Variants in PPFIBP1 observed in about 807,000 individuals in gnomAD.
PPFIBP1 encodes the protein liprin-beta-1.
Under a neutral mutation model 137.8 loss-of-function variants are expected in PPFIBP1, and 112 were observed. That is an observed-to-expected ratio of 0.81 (90% confidence interval 0.70 to 0.95). The LOEUF is 0.95. PPFIBP1 is among the 40% of genes least tolerant of loss of function. The pLI is 0.00. For missense variants in PPFIBP1, 1,083 were observed against 1,196.6 expected (o/e 0.91, Z 1.40); for synonymous variants, 378 against 417.3 (o/e 0.91, Z 1.15).
rs144438920 is a variant in PPFIBP1, at chr12:27,536,653, C to T, written c.-124+12288C>T. Among the ~76,000 whole-genome samples, 242 of 152,330 alleles carry T rather than the reference C, an allele frequency of 1.6e-3. 1 individual carries two copies. Among genetic ancestry groups the T allele is most frequent in the African/African-American group, 4.5e-3 (187 of 41,578 alleles). ...ACAGTGGGAATCTCATTTCAACATGCGATTTGGAGGGGCCAAACATCCAAA... is the reference window on the plus strand; with the variant it reads ...ACAGTGGGAATCTCATTTCAACATGTGATTTGGAGGGGCCAAACATCCAAA... On this transcript the variant is annotated intron_variant, in intron 1 of 29. Transcript: ENST00000228425.
At chr12:27,634,855 G>T (rs2057540428) in intron 3 of PPFIBP1, 55 bp from the exon 4 acceptor site, 1 of 1,496,178 alleles carries the variant, frequency 6.7e-7, no homozygotes, top group Admixed American at 1.7e-5. Flanking sequence ...TTCGGCTTTG[G>T]TATTTTTATC....
chr12:27,650,406 T>C (rs570006279), intron 7 of PPFIBP1, among the ~76,000 whole-genome samples: 2 of 152,384 alleles, frequency 1.3e-5, no homozygotes, highest in East Asian at 3.8e-4. Context: ...AGAAATACTT[T>C]TGACTTTACG....
At chr12:27,558,544 G>A (rs1422046232) in intron 1 of PPFIBP1, among the ~76,000 whole-genome samples, 1 of 99,766 alleles carries the variant, frequency 1.0e-5, no homozygotes, top group South Asian at 2.8e-4. Flanking sequence ...TGGGCATTGG[G>A]GAAAATAGTT....
At chr12:27,617,935 G>A (rs565960539) in intron 2 of PPFIBP1, among the ~76,000 whole-genome samples, 3 of 152,158 alleles carry the variant, frequency 2.0e-5, no homozygotes, top group Non-Finnish European at 4.4e-5. Flanking sequence ...TGTGGTAAAA[G>A]CAAGTTTTCA....
At chr12:27,594,961 T>C (rs2053018358) in intron 2 of PPFIBP1, among the ~76,000 whole-genome samples, 1 of 152,272 alleles carries the variant, frequency 6.6e-6, no homozygotes, top group African/African-American at 2.4e-5. Context: ...TTCTTATTAA[T>C]GACCATTAGG....
At chr12:27,661,044 C>T in intron 11 of PPFIBP1, 99 bp downstream of exon 11, 1 of 1,498,680 alleles carries the variant, frequency 6.7e-7, no homozygotes, top group Admixed American at 2.1e-5. Flanking sequence ...AAAGAACATG[C>T]CCAGAACACT....
chr12:27,664,450 G>T lies in PPFIBP1; in HGVS notation c.991+4G>T. The T allele has an allele frequency of 6.3e-7, 1 of 1,599,806 alleles. No homozygotes were observed. The highest frequency in any genetic ancestry group is 8.5e-7 in the Non-Finnish European group (1 of 1,172,064). On this transcript the variant is annotated splice_donor_region_variant and intron_variant, in intron 12 of 29. Transcript: ENST00000228425. Reference sequence around the variant, plus strand: ...GTACTGGCCCAAGGTAAAAAAGGTAGAGTGTAGCTCTAAAAGTTTTTCTAC... The same window carrying T: ...GTACTGGCCCAAGGTAAAAAAGGTATAGTGTAGCTCTAAAAGTTTTTCTAC...
intron 21 of PPFIBP1, 110 bp from the exon 22 acceptor site, chr12:27,681,436 T>C: frequency 1.6e-6 from 2 of 1,257,422 alleles, no homozygotes; most frequent in Non-Finnish European, 2.2e-6. Context: ...GTCAAATGTG[T>C]ATCACCAGGG....
chr12:27,589,241 C>A (rs2052168426), intron 2 of PPFIBP1, among the ~76,000 whole-genome samples: 1 of 152,154 alleles, frequency 6.6e-6, no homozygotes, highest in Admixed American at 6.5e-5. Context: ...TTAGCACTCT[C>A]TAGGAAATCG....
intron 1 of PPFIBP1, among the ~76,000 whole-genome samples, chr12:27,541,285 T>A (rs535569929): frequency 3.3e-5 from 5 of 151,074 alleles, no homozygotes; most frequent in Non-Finnish European, 7.4e-5. Context: ...TAGAGAAAGT[T>A]GGTGAGAAAA....
intron 1 of PPFIBP1, among the ~76,000 whole-genome samples, chr12:27,533,993 A>G (rs909007333): frequency 5.9e-5 from 9 of 152,204 alleles, no homozygotes; most frequent in African/African-American, 2.2e-4. Context: ...ATGAACCTGG[A>G]ATCCAGAATG....
chr12:27,605,283 A>G (rs1404682558), intron 2 of PPFIBP1, among the ~76,000 whole-genome samples: 1 of 152,234 alleles, frequency 6.6e-6, no homozygotes, highest in Admixed American at 6.5e-5. Flanking sequence ...GCTATAAGAC[A>G]AAAGGGGGCA....
chr12:27,645,192 A>G (rs2058385637), intron 4 of PPFIBP1, among the ~76,000 whole-genome samples: 3 of 152,310 alleles, frequency 2.0e-5, no homozygotes, highest in Middle Eastern at 3.4e-3. Flanking sequence ...TATTTGAATG[A>G]AGAATCAGGA....
intron 14 of PPFIBP1, 31 bp from the exon 15 acceptor site, chr12:27,672,396 T>A: frequency 1.3e-6 from 2 of 1,560,710 alleles, no homozygotes; most frequent in Non-Finnish European, 1.8e-6. Context: ...TTCGTGAAGT[T>A]AATAAATACC....
intron 22 of PPFIBP1, among the ~76,000 whole-genome samples, chr12:27,681,970 G>A (rs1188055185): frequency 6.9e-6 from 1 of 145,018 alleles, no homozygotes; most frequent in Non-Finnish European, 1.5e-5. Context: ...CGAAATCATT[G>A]TTTGGCTTTA....
chr12:27,562,092 T>C (rs2049215072), intron 1 of PPFIBP1, among the ~76,000 whole-genome samples: 1 of 152,124 alleles, frequency 6.6e-6, no homozygotes, highest in African/African-American at 2.4e-5. Flanking sequence ...CCCTCCTCTC[T>C]GAGCTCTCTT....
At chr12:27,534,991 T>G (rs192147149) in intron 1 of PPFIBP1, among the ~76,000 whole-genome samples, 4 of 152,354 alleles carry the variant, frequency 2.6e-5, no homozygotes, top group Admixed American at 6.5e-5. Context: ...ACCCCATCAG[T>G]CCATTGGTGG....
chr12:27,601,730 G>A (rs540964264), intron 2 of PPFIBP1, among the ~76,000 whole-genome samples: 3 of 152,244 alleles, frequency 2.0e-5, no homozygotes, highest in East Asian at 3.9e-4. Context: ...TGCTAATAGA[G>A]GGGAACTACA....
intron 4 of PPFIBP1, among the ~76,000 whole-genome samples, chr12:27,638,187 A>C (rs975525251): frequency 2.6e-5 from 4 of 152,230 alleles, no homozygotes; most frequent in Non-Finnish European, 4.4e-5. Flanking sequence ...TGAACTGTAC[A>C]CTTTAAAATG....
Sources: allele counts gnomAD v4.1 joint callset (sites outside exome capture counted in the v4.1 genomes callset), GRCh38; gene constraint gnomAD v4.1.1; transcripts MANE v1.5; gene names NCBI Gene and HGNC (gene_info 2026-07-23, HGNC 2026-07-21).